RORA: variants seen among roughly 807,000 people sequenced by gnomAD.
RORA encodes RAR related orphan receptor A, also known as nuclear receptor ROR-alpha.
Under a neutral mutation model 69.5 loss-of-function variants are expected in RORA, and 7 were observed. That is an observed-to-expected ratio of 0.10 (90% confidence interval 0.06 to 0.19). The LOEUF is 0.19. Ranked by LOEUF, RORA falls within the 10% of genes least tolerant of loss-of-function variation. The probability of loss-of-function intolerance (pLI) is 1.00; values close to 1 mark genes in which losing one functional copy is unlikely to be tolerated. For missense variants in RORA, 457 were observed against 663.0 expected (o/e 0.69, Z 3.41); for synonymous variants, 261 against 240.8 (o/e 1.08, Z -0.78).
intron 2 of RORA, chr15:60,627,425 C>T: frequency 6.2e-7 from 1 of 1,611,120 alleles, no homozygotes; most frequent in Non-Finnish European, 8.5e-7. Context: ...TGTGCTTTGC[C>T]CCAGTGTACT....
intron 6 of RORA, among the ~76,000 whole-genome samples, chr15:60,504,215 C>T (rs952348636): frequency 6.6e-6 from 1 of 152,116 alleles, no homozygotes; most frequent in Admixed American, 6.5e-5. Flanking sequence ...ATGAGCTAGG[C>T]GCTTTATGAC....
Position 60,493,393 on chromosome 15 carries a change from C to T in RORA, c.*4062G>A, listed in dbSNP as rs1424118317. 1 of 152,062 alleles carries T rather than the reference C, an allele frequency of 6.6e-6. No homozygotes were observed. The highest frequency in any genetic ancestry group is 1.5e-5 in the Non-Finnish European group (1 of 68,018). The allele number at this position is 152,062 out of a possible 1,614,324, so 9.4% of individuals were successfully genotyped here. On this transcript the variant is annotated 3_prime_UTR_variant, in exon 11 of 11. Transcript: ENST00000335670. ...GGTACACCCGCAAGTGCTCTATGTACATATTGCACTAGAGAGGAATGAAGA... is the reference window on the plus strand; with the variant it reads ...GGTACACCCGCAAGTGCTCTATGTATATATTGCACTAGAGAGGAATGAAGA...
At chr15:60,871,764 T>C (rs1031395409) in intron 1 of RORA, among the ~76,000 whole-genome samples, 5 of 152,304 alleles carry the variant, frequency 3.3e-5, no homozygotes, top group Middle Eastern at 3.4e-3. Context: ...ACTTTAAGGA[T>C]GTTAAATGCA....
At chr15:60,796,913 T>C (rs1445701668) in intron 1 of RORA, among the ~76,000 whole-genome samples, 3 of 151,860 alleles carry the variant, frequency 2.0e-5, no homozygotes, top group African/African-American at 7.2e-5. Context: ...GAAAATATTA[T>C]GCTCAGTGAA....
At chr15:60,752,617 C>T (rs1173352939) in intron 1 of RORA, among the ~76,000 whole-genome samples, 2 of 148,360 alleles carry the variant, frequency 1.3e-5, no homozygotes, top group African/African-American at 5.0e-5. Flanking sequence ...AAATTGCTCC[C>T]CCCACCCCCA....
chr15:61,097,115 A>T (rs2078801862), intron 1 of RORA, among the ~76,000 whole-genome samples: 1 of 152,214 alleles, frequency 6.6e-6, no homozygotes, highest in African/African-American at 2.4e-5. Flanking sequence ...AAAGCAAACA[A>T]GAGGGGGAGT....
At chr15:60,767,644 C>T (rs1228755994) in intron 1 of RORA, among the ~76,000 whole-genome samples, 1 of 152,220 alleles carries the variant, frequency 6.6e-6, no homozygotes, top group South Asian at 2.1e-4. Flanking sequence ...AGTCTAACCA[C>T]ACCACACTTC....
intron 1 of RORA, among the ~76,000 whole-genome samples, chr15:61,122,098 G>A (rs2079109509): frequency 6.6e-6 from 1 of 152,198 alleles, no homozygotes; most frequent in Admixed American, 6.5e-5. Flanking sequence ...TCTGCTCTTT[G>A]CAGGAGAGTA....
chr15:60,795,395 T>G (rs1218848162), intron 1 of RORA, among the ~76,000 whole-genome samples: 3 of 152,212 alleles, frequency 2.0e-5, no homozygotes, highest in Non-Finnish European at 4.4e-5. Context: ...TTTGCTTTTA[T>G]ATTCTTCTTC....
chr15:60,719,290 C>T (rs867045187), intron 1 of RORA, among the ~76,000 whole-genome samples: 5 of 150,850 alleles, frequency 3.3e-5, no homozygotes, highest in Admixed American at 6.6e-5. Flanking sequence ...TAAAATACTT[C>T]GGCAAAATAA....
intron 2 of RORA, among the ~76,000 whole-genome samples, chr15:60,596,932 C>G (rs2068679353): frequency 6.6e-6 from 1 of 152,140 alleles, no homozygotes; most frequent in Non-Finnish European, 1.5e-5. Context: ...GCCACACTTA[C>G]TGAGTAGGTA....
chr15:61,088,217 GC>G (rs764978329), intron 1 of RORA, among the ~76,000 whole-genome samples: 9 of 152,202 alleles, frequency 5.9e-5, no homozygotes, highest in Admixed American at 5.2e-4. Context: ...ATCAGAGAGG[GC>G]GAAATGACAA....
At chr15:60,754,211 C>T (rs553676971) in intron 1 of RORA, among the ~76,000 whole-genome samples, 10 of 152,292 alleles carry the variant, frequency 6.6e-5, no homozygotes, top group South Asian at 4.1e-4. Flanking sequence ...TGAAAATCAT[C>T]GGCTGCTTTT....
chr15:61,164,919 C>T (rs529118693), intron 1 of RORA, among the ~76,000 whole-genome samples: 70 of 152,302 alleles, frequency 4.6e-4, no homozygotes, highest in African/African-American at 1.6e-3. Context: ...GAATATCATG[C>T]TGTTGACAGC....
In RORA at chr15:61,226,575, T is replaced by C. The variant is rs906718869; in HGVS notation, c.166+2478A>G. Among the ~76,000 whole-genome samples, 3 of 152,210 alleles carry C rather than the reference T, an allele frequency of 2.0e-5. No homozygotes were observed. The highest frequency in any genetic ancestry group is 2.0e-4 in the Admixed American group (3 of 15,288). On this transcript the variant is annotated intron_variant, in intron 1 of 10. Transcript: ENST00000335670. The surrounding 1 kb of genome is among the most constrained non-coding windows in gnomAD (Gnocchi z 4.2). ...TCAAATCACTCTCAACTACCAGGCA[T>C]ACTTACACATTCTCTCTTTTTCTCC...
chr15:61,152,937 G>A (rs965515053), intron 1 of RORA, among the ~76,000 whole-genome samples: 10 of 152,172 alleles, frequency 6.6e-5, no homozygotes, highest in Admixed American at 4.6e-4. Flanking sequence ...ATGGAGGTAC[G>A]GACAAAGCAT....
intron 2 of RORA, chr15:60,678,430 C>T (rs1596118565): frequency 1.3e-5 from 6 of 451,622 alleles, no homozygotes; most frequent in Non-Finnish European, 2.4e-5. Flanking sequence ...GCTGGAAACA[C>T]TGGAATTCAT....
chr15:61,077,318 G>A (rs930458816), intron 1 of RORA, among the ~76,000 whole-genome samples: 12 of 152,106 alleles, frequency 7.9e-5, no homozygotes, highest in South Asian at 2.1e-4. Flanking sequence ...GTGCCCTACC[G>A]GATTCAGGCT....
chr15:60,577,337 T>G (rs1488155591), intron 2 of RORA, among the ~76,000 whole-genome samples: 2 of 152,182 alleles, frequency 1.3e-5, no homozygotes, highest in African/African-American at 4.8e-5. Flanking sequence ...TCTGTATACT[T>G]TTATGCTTCT....
Sources: gnomAD v4.1 joint callset for allele counts (sites outside exome capture counted in the v4.1 genomes callset) on GRCh38, gnomAD v4.1.1 for gene constraint, Gnocchi (gnomAD v3.1) non-coding constraint, MANE v1.5 for transcripts, NCBI Gene and HGNC (gene_info 2026-07-23, HGNC 2026-07-21) for gene names.